DPP10: variants seen among roughly 807,000 people sequenced by gnomAD.
DPP10 encodes the protein dipeptidyl peptidase like 10.
DPP10 carries 33 observed loss-of-function variants against 120.9 expected under a neutral mutation model. That is an observed-to-expected ratio of 0.27 (90% CI 0.21 to 0.37). The LOEUF (loss-of-function observed/expected upper bound fraction) is 0.37, where lower values mean the gene tolerates loss of function less well. DPP10 is among the 10% of genes least tolerant of loss of function. The pLI is 1.00. For synonymous variants in DPP10, 337 were observed against 326.1 expected (o/e 1.03, Z -0.36); for missense variants, 816 against 942.8 (o/e 0.87, Z 1.76).
At chr2:115,096,060 T>G (rs1427641502) in intron 1 of DPP10, among the ~76,000 whole-genome samples, 1 of 152,064 alleles carries the variant, frequency 6.6e-6, no homozygotes, top group Non-Finnish European at 1.5e-5. Flanking sequence ...ATCTAAAGTA[T>G]AAAATTACTC....
intron 1 of DPP10, among the ~76,000 whole-genome samples, chr2:115,067,901 CTGTGTGGGTG>C (rs1214380524): frequency 1.4e-5 from 2 of 146,116 alleles, no homozygotes; most frequent in African/African-American, 2.6e-5. Flanking sequence ...AAAAATATTC[CTGTGTGGGTG>C]TGTGGGGGTG....
rs2080802900 is a variant in DPP10, at chr2:115,563,289, T to C, written c.441+37317T>C. ...ATTTGAAATGTATGTTTTATTTTCCTGTTAGATCTCGTAAATATCAGACTT... is the reference window on the plus strand; with the variant it reads ...ATTTGAAATGTATGTTTTATTTTCCCGTTAGATCTCGTAAATATCAGACTT... On this transcript the variant is annotated intron_variant, in intron 5 of 25. Coordinates refer to ENST00000410059, the MANE Select transcript of DPP10 (RefSeq NM_020868.6). Among the ~76,000 whole-genome samples the C allele has an allele frequency of 3.9e-5, 6 of 152,228 alleles. No individual in the cohort carries two copies. The South Asian group carries it at 1.2e-3, about 31-fold the overall frequency.
chr2:114,738,642 C>T (rs1677704431), intron 1 of DPP10, among the ~76,000 whole-genome samples: 1 of 152,128 alleles, frequency 6.6e-6, no homozygotes, highest in African/African-American at 2.4e-5. Flanking sequence ...TTGTTTAAAG[C>T]CTCAGTTTCC....
chr2:114,768,525 G>A lies in DPP10; in HGVS notation c.60+325687G>A, dbSNP rs143887185. Among the ~76,000 whole-genome samples, 50 of 152,330 alleles carry A rather than the reference G, an allele frequency of 3.3e-4. 1 individual carries two copies. The highest frequency in any genetic ancestry group is 1.2e-3 in the African/African-American group (49 of 41,574). On this transcript the variant is annotated intron_variant, in intron 1 of 25. Coordinates refer to ENST00000410059, the MANE Select transcript of DPP10 (RefSeq NM_020868.6). ...TAAAGTACTCAAATCATCTGGATTT[G>A]AAGTTGGTTCTCTAATTTTAAGGGC...
chr2:114,506,377 T>C (rs1300383300), intron 1 of DPP10, among the ~76,000 whole-genome samples: 4 of 152,282 alleles, frequency 2.6e-5, no homozygotes, highest in African/African-American at 9.6e-5. Flanking sequence ...AGAGCCACTT[T>C]CATCGGTAAT....
At chr2:114,641,640 C>T (rs1315849316) in intron 1 of DPP10, among the ~76,000 whole-genome samples, 1 of 151,888 alleles carries the variant, frequency 6.6e-6, no homozygotes, top group Non-Finnish European at 1.5e-5. Context: ...ATATTTTAAA[C>T]TTATAAGTAT....
chr2:115,747,737 G>C (rs1199872373), intron 10 of DPP10, among the ~76,000 whole-genome samples: 5 of 151,996 alleles, frequency 3.3e-5, no homozygotes, highest in African/African-American at 1.2e-4. Context: ...GGGAGTACAG[G>C]CACCTGCCAC....
chr2:115,430,176 T>C (rs1241612854), intron 3 of DPP10, among the ~76,000 whole-genome samples: 1 of 152,180 alleles, frequency 6.6e-6, no homozygotes, highest in African/African-American at 2.4e-5. Context: ...AGATGATTGA[T>C]GAAATTAATT....
At chr2:115,812,963 CTTTTTTTTT>C (rs66478532) in intron 19 of DPP10, among the ~76,000 whole-genome samples, 1 of 72,830 alleles carries the variant, frequency 1.4e-5, no homozygotes, top group East Asian at 4.4e-4. Flanking sequence ...GACTGGATAT[CTTTTTTTTT>C]TTTTTTTTTT....
intron 1 of DPP10, among the ~76,000 whole-genome samples, chr2:114,824,897 A>C (rs1165103374): frequency 1.3e-5 from 2 of 152,198 alleles, no homozygotes; most frequent in Non-Finnish European, 2.9e-5. Context: ...TAGGTAAAGG[A>C]GACACATGCT....
At chr2:115,730,153 C>T (rs34871053) in intron 8 of DPP10, among the ~76,000 whole-genome samples, 12,954 of 152,112 alleles carry the variant, frequency 0.085, 616 homozygotes, top group South Asian at 0.13. Context: ...AACCTGGGGT[C>T]TAAGAGTGGA....
intron 1 of DPP10, among the ~76,000 whole-genome samples, chr2:114,956,097 G>A (rs1286974467): frequency 2.6e-5 from 4 of 151,974 alleles, no homozygotes; most frequent in South Asian, 2.1e-4. Flanking sequence ...CTTAGCTAGA[G>A]TAATAAGACA....
rs373001819 is a variant in DPP10, at chr2:115,692,997, C to T, written c.576+3076C>T. ...CAAAGAAATCCTACAAACAACCCTG[C>T]ATTCACTGTCCTTTCCACACTAAAT... On this transcript the variant is annotated intron_variant, in intron 7 of 25. Coordinates refer to ENST00000410059, the MANE Select transcript of DPP10 (RefSeq NM_020868.6). Among the ~76,000 whole-genome samples, 5 of 152,206 alleles carry T rather than the reference C, an allele frequency of 3.3e-5. No individual in the cohort carries two copies. The East Asian group carries it at 9.7e-4, about 29-fold the overall frequency.
chr2:114,918,628 A>G (rs1162456544), intron 1 of DPP10, among the ~76,000 whole-genome samples: 1 of 152,194 alleles, frequency 6.6e-6, no homozygotes, highest in Non-Finnish European at 1.5e-5. Flanking sequence ...GAATGAATGA[A>G]GTCATGTCCT....
chr2:115,186,205 A>G (rs1175121703), intron 1 of DPP10, among the ~76,000 whole-genome samples: 1 of 152,122 alleles, frequency 6.6e-6, no homozygotes, highest in Non-Finnish European at 1.5e-5. Context: ...TCCTGGTCTT[A>G]GTTCTCTTAG....
At chr2:115,286,526 A>ATATATATTACATATATAAAT (rs10675008) in intron 1 of DPP10, among the ~76,000 whole-genome samples, 1 of 60,946 alleles carries the variant, frequency 1.6e-5, no homozygotes, top group Non-Finnish European at 3.3e-5. Flanking sequence ...ATATATATAT[A>ATATATATTACATATATAAAT]ATATATATAT....
At chr2:114,912,628 G>T (rs1359773932) in intron 1 of DPP10, among the ~76,000 whole-genome samples, 1 of 151,984 alleles carries the variant, frequency 6.6e-6, no homozygotes, top group African/African-American at 2.4e-5. Context: ...ATAGAAAGAG[G>T]ATACAGACCT....
intron 1 of DPP10, among the ~76,000 whole-genome samples, chr2:114,570,661 T>C (rs1238357024): frequency 6.7e-6 from 1 of 148,180 alleles, no homozygotes; most frequent in Non-Finnish European, 1.5e-5. Flanking sequence ...CCGTCTCTAC[T>C]AAAAAAATAC....
At chr2:115,425,616 G>A (rs1309786130) in intron 3 of DPP10, among the ~76,000 whole-genome samples, 4 of 152,154 alleles carry the variant, frequency 2.6e-5, no homozygotes, top group African/African-American at 4.8e-5. Context: ...TGAAGCACAT[G>A]TAGTATATGT....
Sources: gnomAD v4.1 joint callset for allele counts (sites outside exome capture counted in the v4.1 genomes callset) on GRCh38, gnomAD v4.1.1 for gene constraint, MANE v1.5 for transcripts, NCBI Gene and HGNC (gene_info 2026-07-23, HGNC 2026-07-21) for gene names.